Variants in PVT1 observed in about 807,000 individuals in gnomAD.
The protein encoded by PVT1 is Pvt1 oncogene.
intron 2 of PVT1, among the ~76,000 whole-genome samples, chr8:127,798,312 AAAC>A (rs569301463): frequency 2.0e-3 from 303 of 151,940 alleles, no homozygotes; most frequent in Middle Eastern, 3.4e-3. Flanking sequence ...CTCAAAAAAA[AAAC>A]AACAAGAAAA....
chr8:127,986,725 A>G (rs1282489278), intron 3 of PVT1, among the ~76,000 whole-genome samples: 1 of 152,192 alleles, frequency 6.6e-6, no homozygotes, highest in African/African-American at 2.4e-5. Context: ...TCTGCTTTGC[A>G]CCGGGCTCTA....
intron 3 of PVT1, among the ~76,000 whole-genome samples, chr8:127,972,631 C>G (rs1016731182): frequency 2.6e-5 from 4 of 151,996 alleles, no homozygotes; most frequent in Admixed American, 2.0e-4. Flanking sequence ...CCCAGCTACT[C>G]AAGAGGCTAA....
intron 3 of PVT1, chr8:127,948,064 T>C (rs1348507412): frequency 1.0e-5 from 4 of 383,650 alleles, no homozygotes; most frequent in Non-Finnish European, 2.1e-5. Context: ...CCCAGAGAAG[T>C]AAGTTTTAGC....
At chr8:128,029,467 C>A (rs1192605694) in intron 4 of PVT1, among the ~76,000 whole-genome samples, 1 of 151,872 alleles carries the variant, frequency 6.6e-6, no homozygotes, top group African/African-American at 2.4e-5. Flanking sequence ...ATGCTGACTG[C>A]ACAATTTAAG....
intron 4 of PVT1, among the ~76,000 whole-genome samples, chr8:128,016,454 G>C (rs980112280): frequency 6.6e-6 from 1 of 152,178 alleles, no homozygotes; most frequent in African/African-American, 2.4e-5. Context: ...AGGACCATTC[G>C]TGTGGTCCTG....
rs369498880 is a variant in PVT1 at position 127,884,312 on chromosome 8, T to C, written n.373-6277T>C. On this transcript the variant is annotated intron_variant and non_coding_transcript_variant, in intron 2 of 10. Transcript: ENST00000651587. ...ATATATTCATGTGGTACGTGCATTT[T>C]CAGATCATTCTCACTGGTCGCTAGA... is the stretch of plus-strand genomic sequence containing the variant. Among the ~76,000 whole-genome samples, 4 of 152,268 alleles carry C rather than the reference T, an allele frequency of 2.6e-5. No individual in the cohort carries two copies. In the South Asian group the frequency reaches 8.3e-4, roughly 32 times the overall value.
At chr8:128,035,220 A>G (rs1813447231) in intron 4 of PVT1, among the ~76,000 whole-genome samples, 2 of 152,190 alleles carry the variant, frequency 1.3e-5, no homozygotes, top group Non-Finnish European at 2.9e-5. Flanking sequence ...TTGGCATGAG[A>G]GGAGCTGCCT....
intron 4 of PVT1, among the ~76,000 whole-genome samples, chr8:128,041,035 T>C (rs1813525756): frequency 9.3e-5 from 2 of 21,448 alleles, no homozygotes; most frequent in African/African-American, 2.4e-4. Flanking sequence ...CTCGTGTGTG[T>C]TGAGTGCCTG....
chr8:127,973,385 G>A (rs1816785976), intron 3 of PVT1, among the ~76,000 whole-genome samples: 1 of 152,192 alleles, frequency 6.6e-6, no homozygotes, highest in Non-Finnish European at 1.5e-5. Context: ...CTGCTAGGAG[G>A]AAAGTTCTGA....
chr8:127,944,608 C>T (rs1816397519), intron 3 of PVT1, among the ~76,000 whole-genome samples: 1 of 150,228 alleles, frequency 6.7e-6, no homozygotes, highest in South Asian at 2.1e-4. Context: ...ATCAGGCATT[C>T]AGGGGAAGGA....
chr8:128,039,169 G>A (rs1025051160), intron 4 of PVT1, among the ~76,000 whole-genome samples: 17 of 152,200 alleles, frequency 1.1e-4, no homozygotes, highest in African/African-American at 3.1e-4. Flanking sequence ...GACTGTTGCC[G>A]TGGGAAATAG....
At chr8:127,986,205 G>C (rs1376007540) in intron 3 of PVT1, among the ~76,000 whole-genome samples, 1 of 152,206 alleles carries the variant, frequency 6.6e-6, no homozygotes, top group African/African-American at 2.4e-5. Flanking sequence ...TGAAACTGTG[G>C]CATGCTTGAT....
intron 4 of PVT1, among the ~76,000 whole-genome samples, chr8:128,020,013 A>G (rs1013678699): frequency 3.3e-5 from 5 of 152,046 alleles, no homozygotes; most frequent in African/African-American, 1.2e-4. Context: ...TCTTTTGGGA[A>G]ATGTTTCCTG....
intron 2 of PVT1, among the ~76,000 whole-genome samples, chr8:127,814,779 C>T (rs911642402): frequency 1.4e-4 from 22 of 152,252 alleles, no homozygotes; most frequent in South Asian, 4.1e-4. Flanking sequence ...TAACCATCTC[C>T]GGAACATTTT....
intron 2 of PVT1, chr8:127,855,206 T>C (rs1360562832): frequency 1.3e-5 from 5 of 398,432 alleles, no homozygotes; most frequent in Non-Finnish European, 2.2e-5. Context: ...GAAACAAAAG[T>C]GTTCTTAGGA....
chr8:127,820,238 T>G (rs1233748280), intron 2 of PVT1, among the ~76,000 whole-genome samples: 2 of 152,182 alleles, frequency 1.3e-5, no homozygotes, highest in Admixed American at 1.3e-4. Context: ...TTCTGTTTAC[T>G]CCAGTAGGTC....
At chr8:127,965,174 A>C (rs1014120898) in intron 3 of PVT1, among the ~76,000 whole-genome samples, 2 of 152,232 alleles carry the variant, frequency 1.3e-5, no homozygotes, top group African/African-American at 4.8e-5. Context: ...TATATGAGAA[A>C]TATATACATA....
At chr8:127,952,984 T>G (rs1394151913) in intron 3 of PVT1, among the ~76,000 whole-genome samples, 1 of 152,096 alleles carries the variant, frequency 6.6e-6, no homozygotes, top group Non-Finnish European at 1.5e-5. Flanking sequence ...CAGGATGGTC[T>G]CGATCTCCTG....
intron 3 of PVT1, among the ~76,000 whole-genome samples, chr8:127,937,580 C>CACACACACACACACACACACAG (rs59006608): frequency 3.0e-4 from 32 of 107,860 alleles, no homozygotes; most frequent in African/African-American, 9.3e-4. Context: ...CACACACACA[C>CACACACACACACACACACACAG]AGAGAGAGAG....
Sources: allele counts gnomAD v4.1 joint callset (sites outside exome capture counted in the v4.1 genomes callset), GRCh38; gene constraint gnomAD v4.1.1; transcripts MANE v1.5; gene names NCBI Gene and HGNC (gene_info 2026-07-23, HGNC 2026-07-21).